Variants in CXCL8 observed in about 807,000 individuals in gnomAD.
CXCL8 encodes the protein C-X-C motif chemokine ligand 8, also known as interleukin-8.
A neutral mutation model predicts 10.9 loss-of-function variants in CXCL8; 12 were observed. The ratio of observed to expected loss-of-function variants is 1.10; its 90% CI spans 0.71 to 1.79. The LOEUF is 1.79. Among genes scored for constraint, CXCL8 ranks in the 40% most tolerant of loss-of-function variants. The probability of loss-of-function intolerance (pLI) is 0.00; values close to 1 mark genes in which losing one functional copy is unlikely to be tolerated. For missense variants in CXCL8, 145 were observed against 113.4 expected (o/e 1.28, Z -1.26); for synonymous variants, 41 against 39.6 (o/e 1.03, Z -0.13).
In CXCL8 at chr4:73,743,621, T is replaced by C. The variant is rs1578114753; in HGVS notation, c.*1157T>C. On this transcript the variant is annotated 3_prime_UTR_variant, in exon 4 of 4. Coordinates refer to ENST00000307407, the MANE Select transcript of CXCL8 (RefSeq NM_000584.4). ...TTTATATTTTTAACTTTAAGATGTT[T>C]TTATGTGCTCTCCAAATTTTTTTTA... The C allele has an allele frequency of 4.9e-6, 1 of 202,894 alleles. No homozygotes were observed. The highest frequency in any genetic ancestry group is 8.1e-5 in the East Asian group (1 of 12,412). The allele number at this position is 202,894 out of a possible 1,614,324, so 12.6% of individuals were successfully genotyped here. A position where few individuals can be genotyped will look rare whatever the true frequency, so the allele number is the denominator to read the frequency against.
rs1450356288 is a variant in CXCL8 at position 73,743,103 on chromosome 4, C to G, written c.*639C>G. On this transcript the variant is annotated 3_prime_UTR_variant, in exon 4 of 4. Coordinates refer to ENST00000307407, the MANE Select transcript of CXCL8 (RefSeq NM_000584.4). ...TAACATAAATTATTTTCAAGTGTAACTTATTAACCTATTTATTATTTATGT... is the reference window on the plus strand; with the variant it reads ...TAACATAAATTATTTTCAAGTGTAAGTTATTAACCTATTTATTATTTATGT... 1 of 227,320 alleles carries G rather than the reference C, an allele frequency of 4.4e-6. No individual in the cohort carries two copies. The highest frequency in any genetic ancestry group is 8.7e-6 in the Non-Finnish European group (1 of 114,582). 14.1% of individuals were successfully genotyped at this position (227,320 alleles called of 1,614,324 possible).
chr4:73,742,410 T>C, intron 3 of CXCL8, 39 bp from the exon 4 acceptor site: 1 of 1,045,238 alleles, frequency 9.6e-7, no homozygotes, highest in Non-Finnish European at 1.4e-6. Flanking sequence ...TCCTTCTTAT[T>C]AAACATAGCT....
At chr4:73,742,100 T>C in intron 3 of CXCL8, 68 bp downstream of exon 3, 2 of 969,780 alleles carry the variant, frequency 2.1e-6, no homozygotes, top group Non-Finnish European at 3.1e-6. Flanking sequence ...AGTCAGCCTA[T>C]AAATTTCTTT....
chr4:73,742,985 T>G lies in CXCL8; in HGVS notation c.*521T>G, dbSNP rs1225371948. On this transcript the variant is annotated 3_prime_UTR_variant, in exon 4 of 4. Transcript: ENST00000307407. ...CCTTGTTCCACTGTGCCTTGGTTTC[T>G]CCTTTATTTCTAAGTGGAAAAAGTA... The G allele has an allele frequency of 4.3e-6, 1 of 231,040 alleles. No individual in the cohort carries two copies. The highest frequency in any genetic ancestry group is 8.6e-6 in the Non-Finnish European group (1 of 116,718). 14.3% of individuals were successfully genotyped at this position (231,040 alleles called of 1,614,324 possible).
chr4:73,741,494 C>A (rs1053914051), intron 1 of CXCL8, 48 bp from the exon 2 acceptor site: 3 of 1,590,630 alleles, frequency 1.9e-6, no homozygotes, highest in Admixed American at 3.4e-5. Flanking sequence ...GCTGGCAGAG[C>A]TGTGCCTGTT....
At position 73,741,975 on chromosome 4, in the gene CXCL8, T is replaced by A; in HGVS notation, c.227T>A (p.Leu76His). The A allele has an allele frequency of 6.2e-7, 1 of 1,611,286 alleles. No individual in the cohort carries two copies. Among genetic ancestry groups the A allele is most frequent in the Non-Finnish European group, 8.5e-7 (1 of 1,177,790 alleles). Reference protein sequence around the residue: ...IIVKLSDGRELCLDPKENWVQ... With the variant: ...IIVKLSDGREHCLDPKENWVQ... The stretch of plus-strand genomic sequence containing the variant: ...GTAAAGCTTTCTGATGGAAGAGAGC[T>A]CTGTCTGGACCCCAAGGAAAACTGG... The change falls in exon 3 of 4, where the codon CTC becomes CAC. Residue 76 changes from leucine (L) to histidine (H), a missense_variant. Physicochemically the swap from Leu to His is moderately conservative, Grantham distance 99 (BLOSUM62 -3). Coordinates refer to ENST00000307407, the MANE Select transcript of CXCL8 (RefSeq NM_000584.4).
chr4:73,742,087 C>A, intron 3 of CXCL8, 55 bp downstream of exon 3: 1 of 1,033,194 alleles, frequency 9.7e-7, no homozygotes, highest in Non-Finnish European at 1.4e-6. Context: ...ACATATAATC[C>A]AAAGTCAGCC....
rs3756069 is a variant in CXCL8, at chr4:73,740,947, T to C, written c.64+225T>C. Among the ~76,000 whole-genome samples the C allele has an allele frequency of 7.9e-5, 12 of 152,340 alleles. No homozygotes were observed. The East Asian group carries it at 2.3e-3, about 29-fold the overall frequency. ...ATAGATATTCTGCTTTTATAATTTA[T>C]ACCATGTAGCATGCATATATTTAAC... is the stretch of plus-strand genomic sequence containing the variant. On this transcript the variant is annotated intron_variant, in intron 1 of 3. Transcript: ENST00000307407.
Position 73,742,007 on chromosome 4 carries a change from A to G in CXCL8, c.259A>G (p.Arg87Gly), listed in dbSNP as rs1729187919. 6.2e-7 allele frequency: 1 copy of G among 1,608,084 alleles called. No individual in the cohort carries two copies. Among genetic ancestry groups the G allele is most frequent in the South Asian group, 1.1e-5 (1 of 90,442 alleles). The change falls in exon 3 of 4, where the codon AGG (arginine) becomes GGG (glycine). Residue 87 changes from arginine (R) to glycine (G), a missense_variant. Arg to Gly is a moderately radical substitution (Grantham distance 125, BLOSUM62 -2). Transcript: ENST00000307407. ...GGACCCCAAGGAAAACTGGGTGCAGAGGGTTGTGGAGAAGTTTTTGAAGAG... is the reference window on the plus strand; with the variant it reads ...GGACCCCAAGGAAAACTGGGTGCAGGGGGTTGTGGAGAAGTTTTTGAAGAG... ...CLDPKENWVQRVVEKFLKRAE... is the reference protein window; with the variant it reads ...CLDPKENWVQGVVEKFLKRAE...
Position 73,743,194 on chromosome 4 carries a change from T to G in CXCL8, c.*730T>G, listed in dbSNP as rs541422171. On this transcript the variant is annotated 3_prime_UTR_variant, in exon 4 of 4. Transcript: ENST00000307407. ...AATAGAAGATGAATCATTGATTGAA[T>G]AGTTATAAAGATGTTATAGTAAATT... The G allele has an allele frequency of 4.5e-6, 1 of 223,546 alleles. No individual in the cohort carries two copies. Among genetic ancestry groups the G allele is most frequent in the East Asian group, 6.6e-5 (1 of 15,128 alleles). 13.8% of individuals were successfully genotyped at this position (223,546 alleles called of 1,614,324 possible). A position where few individuals can be genotyped will look rare whatever the true frequency, so the allele number is the denominator to read the frequency against.
In CXCL8 at chr4:73,742,030, G is replaced by A. The variant is rs772706294; in HGVS notation, c.282G>A (p.Lys94=). 8.9e-6 allele frequency: 14 copies of A among 1,572,372 alleles called. No individual in the cohort carries two copies. Among genetic ancestry groups the A allele is most frequent in the Non-Finnish European group, 1.2e-5 (14 of 1,145,994 alleles). ...AGAGGGTTGTGGAGAAGTTTTTGAA[G>A]AGGTAAGTTATATATTTTTTAATTT... The part of the protein sequence containing the change: ...WVQRVVEKFL[K]RAENS Residue 94 remains lysine, a splice_region_variant and synonymous_variant, in exon 3 of 4, where the codon AAG becomes AAA. Coordinates refer to ENST00000307407, the MANE Select transcript of CXCL8 (RefSeq NM_000584.4).
rs77954293 is a variant in CXCL8 at position 73,742,442 on chromosome 4, A to G, written c.285-7A>G. 5.5e-4 allele frequency: 758 copies of G among 1,377,902 alleles called. 12 individuals carry two copies. In the East Asian group the frequency reaches 0.018, roughly 33 times the overall value. The allele number at this position is 1,377,902 out of a possible 1,614,324, so 85.4% of individuals were successfully genotyped here. A position where few individuals can be genotyped will look rare whatever the true frequency, so the allele number is the denominator to read the frequency against. On this transcript the variant is annotated splice_region_variant and splice_polypyrimidine_tract_variant and intron_variant, in intron 3 of 3. Transcript: ENST00000307407. ...AGCTCATCTTTATATTTTTAATTTTATTTTAGGGCTGAGAATTCATAAAAA... is the reference window on the plus strand; with the variant it reads ...AGCTCATCTTTATATTTTTAATTTTGTTTTAGGGCTGAGAATTCATAAAAA...
In CXCL8 at chr4:73,742,504, T is replaced by A. The variant is rs1488012309; in HGVS notation, c.*40T>A. The A allele has an allele frequency of 1.5e-6, 2 of 1,377,630 alleles. No homozygotes were observed. Among genetic ancestry groups the A allele is most frequent in the East Asian group, 4.7e-5 (2 of 42,112 alleles). 85.3% of individuals were successfully genotyped at this position (1,377,630 alleles called of 1,614,324 possible). A position where few individuals can be genotyped will look rare whatever the true frequency, so the allele number is the denominator to read the frequency against. On this transcript the variant is annotated 3_prime_UTR_variant, in exon 4 of 4. Transcript: ENST00000307407. ...TGTGGTATCCAAGAATCAGTGAAGA[T>A]GCCAGTGAAACTTCAAGCAAATCTA...
At position 73,742,010 on chromosome 4, in the gene CXCL8, G is replaced by C. The variant is rs1218003781; in HGVS notation, c.262G>C (p.Val88Leu). The C allele has an allele frequency of 1.2e-6, 2 of 1,607,636 alleles. No homozygotes were observed. ...CCCCAAGGAAAACTGGGTGCAGAGG[G>C]TTGTGGAGAAGTTTTTGAAGAGGTA... ...LDPKENWVQR[V>L]VEKFLKRAEN... The change falls in exon 3 of 4, where the codon GTT becomes CTT. Residue 88 changes from valine (V) to leucine (L), a missense_variant. Transcript: ENST00000307407.
intron 1 of CXCL8, 120 bp downstream of exon 1, chr4:73,740,842 C>A: frequency 1.3e-6 from 1 of 767,968 alleles, no homozygotes; most frequent in South Asian, 1.9e-5. Flanking sequence ...AGAATATAAT[C>A]TTAGCAGTCA....
In CXCL8 at chr4:73,741,665, A is replaced by C. The variant is rs1262908448; in HGVS notation, c.188A>C (p.Asn63Thr). 2.5e-6 allele frequency: 4 copies of C among 1,610,824 alleles called. No individual in the cohort carries two copies. In the South Asian group the frequency reaches 4.4e-5, roughly 18 times the overall value. The change falls in exon 2 of 4, where the codon AAC (asparagine) becomes ACC (threonine). Residue 63 changes from asparagine (N) to threonine (T), a missense_variant. By Grantham distance (65) the Asn-to-Thr change is moderately conservative. Transcript: ENST00000307407. ...RVIESGPHCA[N>T]TEIIVKLSDG... Reference sequence around the variant, plus strand: ...ATTGAGAGTGGACCACACTGCGCCAACACAGAAATTATGTAAGTACTTTAA... The same window carrying C: ...ATTGAGAGTGGACCACACTGCGCCACCACAGAAATTATGTAAGTACTTTAA...
In CXCL8 at chr4:73,741,589, AAGACATACTCCAAACCTTTCCACC is replaced by A; in HGVS notation, c.113_136del (p.Lys38_Pro46delinsThr). ...TAAAGAACTTAGATGTCAGTGCATA[AAGACATACTCCAAACCTTTCCACC>A]CCAAATTTATCAAAGAACTGAGAGT... On this transcript the variant is annotated inframe_deletion, in exon 2 of 4. Coordinates refer to ENST00000307407, the MANE Select transcript of CXCL8 (RefSeq NM_000584.4). 1 of 1,613,422 alleles carries A rather than the reference AAGACATACTCCAAACCTTTCCACC, an allele frequency of 6.2e-7. No individual in the cohort carries two copies. Among genetic ancestry groups the A allele is most frequent in the Non-Finnish European group, 8.5e-7 (1 of 1,179,482 alleles).
intron 3 of CXCL8, 32 bp from the exon 4 acceptor site, chr4:73,742,417 A>G (rs1453114966): frequency 9.2e-7 from 1 of 1,086,736 alleles, no homozygotes; most frequent in South Asian, 1.4e-5. Flanking sequence ...TATTAAACAT[A>G]GCTCATCTTT....
rs1729176329 is a variant in CXCL8, at chr4:73,741,618, A to T, written c.141A>T (p.Lys47Asn). Residue 47 changes from lysine to asparagine, a missense_variant, in exon 2 of 4, where the codon AAA becomes AAT. Physicochemically the swap from Lys to Asn is moderately conservative, Grantham distance 94. Coordinates refer to ENST00000307407, the MANE Select transcript of CXCL8 (RefSeq NM_000584.4). The part of the protein sequence containing the change: ...IKTYSKPFHP[K>N]FIKELRVIES... ...CATACTCCAAACCTTTCCACCCCAA[A>T]TTTATCAAAGAACTGAGAGTGATTG... 1 of 1,613,668 alleles carries T rather than the reference A, an allele frequency of 6.2e-7. No individual in the cohort carries two copies. Among genetic ancestry groups the T allele is most frequent in the African/African-American group, 1.3e-5 (1 of 75,010 alleles).
Sources: allele counts gnomAD v4.1 joint callset (sites outside exome capture counted in the v4.1 genomes callset), GRCh38; gene constraint gnomAD v4.1.1; transcripts MANE v1.5; gene names NCBI Gene and HGNC (gene_info 2026-07-23, HGNC 2026-07-21).